PIP5K1B: variants seen among roughly 807,000 people sequenced by gnomAD.
The protein encoded by PIP5K1B is phosphatidylinositol-4-phosphate 5-kinase type 1 beta, also known as phosphatidylinositol 4-phosphate 5-kinase type-1 beta.
In PIP5K1B, 42 loss-of-function variants were observed where a neutral mutation model predicts 67.0. The ratio of observed to expected loss-of-function variants is 0.63; its 90% confidence interval spans 0.49 to 0.81. The LOEUF (loss-of-function observed/expected upper bound fraction) is 0.81, where lower values mean the gene tolerates loss of function less well. PIP5K1B is among the 30% of genes least tolerant of loss of function. The pLI, the probability that PIP5K1B is intolerant of heterozygous loss-of-function variation, is 0.00. For synonymous variants in PIP5K1B, 214 were observed against 231.4 expected (o/e 0.92, Z 0.68); for missense variants, 459 against 646.3 (o/e 0.71, Z 3.14).
rs117656842 is a variant in PIP5K1B, at chr9:68,785,118, T to A, written c.-85-33343T>A. ...CAGTTGGATGGCAGGCACAAGGAAG[T>A]GGGTTGGATTGACTAGGTTTGGGAA... On this transcript the variant is annotated intron_variant, in intron 2 of 15. Coordinates refer to ENST00000265382, the MANE Select transcript of PIP5K1B (RefSeq NM_003558.4). Among the ~76,000 whole-genome samples, 3 of 152,078 alleles carry A rather than the reference T, an allele frequency of 2.0e-5. No individual in the cohort carries two copies. The East Asian group carries it at 5.8e-4, about 29-fold the overall frequency.
intron 1 of PIP5K1B, among the ~76,000 whole-genome samples, chr9:68,734,540 C>T (rs543668073): frequency 6.6e-6 from 1 of 152,260 alleles, no homozygotes; most frequent in Admixed American, 6.5e-5. Flanking sequence ...GCAGATGGGT[C>T]CAGAATGTAT....
chr9:68,739,286 T>C (rs994195846), intron 1 of PIP5K1B, among the ~76,000 whole-genome samples: 3 of 152,242 alleles, frequency 2.0e-5, no homozygotes, highest in Non-Finnish European at 4.4e-5. Flanking sequence ...TCAAATATCA[T>C]CAACTCTTTG....
chr9:68,750,181 G>A (rs923456328), intron 2 of PIP5K1B, among the ~76,000 whole-genome samples: 2 of 152,188 alleles, frequency 1.3e-5, no homozygotes, highest in Non-Finnish European at 2.9e-5. Flanking sequence ...TTCTGTTATA[G>A]AACTAATGGC....
At chr9:68,858,814 G>T (rs577389212) in intron 4 of PIP5K1B, among the ~76,000 whole-genome samples, 53 of 152,348 alleles carry the variant, frequency 3.5e-4, no homozygotes, top group Non-Finnish European at 6.2e-4. Context: ...TAAAGCCAGT[G>T]ATATCAGATG....
chr9:68,981,371 A>G (rs1226927092), intron 14 of PIP5K1B, among the ~76,000 whole-genome samples: 2 of 152,024 alleles, frequency 1.3e-5, no homozygotes, highest in African/African-American at 2.4e-5. Flanking sequence ...CCTTAGGTTA[A>G]GAATCTTTTA....
At chr9:68,821,824 T>C (rs1833745362) in intron 3 of PIP5K1B, among the ~76,000 whole-genome samples, 1 of 152,238 alleles carries the variant, frequency 6.6e-6, no homozygotes, top group Non-Finnish European at 1.5e-5. Flanking sequence ...TATCCTTCAA[T>C]ATTAGCATTG....
At chr9:68,855,574 A>G (rs1024253937) in intron 4 of PIP5K1B, among the ~76,000 whole-genome samples, 1 of 152,206 alleles carries the variant, frequency 6.6e-6, no homozygotes, top group Non-Finnish European at 1.5e-5. Context: ...CTGCTGAAGG[A>G]AAATGCCAGG....
intron 2 of PIP5K1B, among the ~76,000 whole-genome samples, chr9:68,769,965 T>C (rs899255122): frequency 1.3e-5 from 2 of 152,246 alleles, no homozygotes; most frequent in African/African-American, 4.8e-5. Context: ...GCCTACGGTG[T>C]GGCTCCTCTC....
chr9:68,894,660 G>T (rs369838421), intron 8 of PIP5K1B, 22 bp downstream of exon 8: 3 of 1,605,814 alleles, frequency 1.9e-6, no homozygotes, highest in Non-Finnish European at 1.7e-6. Context: ...TGATTGTTGT[G>T]ATTTCCTTTG....
intron 2 of PIP5K1B, among the ~76,000 whole-genome samples, chr9:68,772,864 G>T (rs550176274): frequency 6.6e-6 from 1 of 152,282 alleles, no homozygotes; most frequent in Non-Finnish European, 1.5e-5. Flanking sequence ...GGATCATTTT[G>T]CGATCACAGC....
chr9:68,988,444 G>GTTTT (rs61373302), intron 14 of PIP5K1B, among the ~76,000 whole-genome samples: 50 of 110,006 alleles, frequency 4.5e-4, no homozygotes, highest in South Asian at 1.0e-3. Context: ...TTTTTTTGGG[G>GTTTT]TTTTTTTTTT....
intron 15 of PIP5K1B, among the ~76,000 whole-genome samples, chr9:69,006,871 G>A (rs755266350): frequency 3.9e-5 from 6 of 152,196 alleles, no homozygotes; most frequent in Non-Finnish European, 7.3e-5. Flanking sequence ...ATCATTTTAT[G>A]TGGGTTGTTT....
At chr9:68,710,127 G>A (rs1321001764) in intron 1 of PIP5K1B, among the ~76,000 whole-genome samples, 3 of 152,092 alleles carry the variant, frequency 2.0e-5, no homozygotes, top group Non-Finnish European at 4.4e-5. Context: ...TATGGCCAGA[G>A]CCTTCAGTAG....
At chr9:68,821,017 C>G (rs1833705346) in intron 3 of PIP5K1B, among the ~76,000 whole-genome samples, 1 of 152,194 alleles carries the variant, frequency 6.6e-6, no homozygotes, top group Admixed American at 6.5e-5. Context: ...GTGCCTCATG[C>G]CTATAATCCC....
At position 68,941,658 on chromosome 9, in the gene PIP5K1B, C is replaced by T. The variant is rs183981890; in HGVS notation, c.1502+868C>T. 4.3e-4 allele frequency among the ~76,000 whole-genome samples: 65 copies of T among 152,288 alleles called. 1 individual carries two copies. Among genetic ancestry groups the T allele is most frequent in the African/African-American group, 1.5e-3 (64 of 41,556 alleles). On this transcript the variant is annotated intron_variant, in intron 14 of 15. Transcript: ENST00000265382. ...TAGACTAGTTCTTGTTGAAACCTAG[C>T]TCTCAATAATCAAGATCAGATTTAT...
At chr9:68,772,731 T>C (rs1339802635) in intron 2 of PIP5K1B, among the ~76,000 whole-genome samples, 1 of 152,170 alleles carries the variant, frequency 6.6e-6, no homozygotes, top group African/African-American at 2.4e-5. Flanking sequence ...ACAGAAAATG[T>C]ATAGCTCTAT....
intron 8 of PIP5K1B, among the ~76,000 whole-genome samples, chr9:68,902,621 A>G (rs1029465351): frequency 9.8e-5 from 15 of 152,322 alleles, no homozygotes; most frequent in African/African-American, 3.4e-4. Context: ...TCTCTGAGAT[A>G]AATGCCTGAA....
At chr9:68,738,039 A>G (rs1479299822) in intron 1 of PIP5K1B, among the ~76,000 whole-genome samples, 1 of 152,234 alleles carries the variant, frequency 6.6e-6, no homozygotes, top group African/African-American at 2.4e-5. Context: ...TAACATAGGT[A>G]ATGACTGAGT....
intron 2 of PIP5K1B, among the ~76,000 whole-genome samples, chr9:68,743,960 G>C (rs901133836): frequency 3.9e-5 from 6 of 152,214 alleles, no homozygotes; most frequent in Non-Finnish European, 7.3e-5. Context: ...ACAATATTGG[G>C]AACTCAATCA....
Sources: allele counts gnomAD v4.1 joint callset (sites outside exome capture counted in the v4.1 genomes callset), GRCh38; gene constraint gnomAD v4.1.1; transcripts MANE v1.5; gene names NCBI Gene and HGNC (gene_info 2026-07-23, HGNC 2026-07-21).